The following GPC5 variants were observed in gnomAD, a reference collection of about 807,000 sequenced individuals.
The protein encoded by GPC5 is glypican 5, also known as glypican-5.
A neutral mutation model predicts 53.9 loss-of-function variants in GPC5; 47 were observed. The ratio of observed to expected loss-of-function variants is 0.87; its 90% CI spans 0.69 to 1.11. The LOEUF (loss-of-function observed/expected upper bound fraction) is 1.11. GPC5 is among the 50% of genes most tolerant of loss of function. The probability of loss-of-function intolerance (pLI) is 0.00; values close to 1 mark genes in which losing one functional copy is unlikely to be tolerated. For missense variants in GPC5, 748 were observed against 713.1 expected (o/e 1.05, Z -0.56); for synonymous variants, 286 against 263.3 (o/e 1.09, Z -0.84).
intron 2 of GPC5, among the ~76,000 whole-genome samples, chr13:91,667,896 G>A (rs1396481722): frequency 6.6e-6 from 1 of 152,154 alleles, no homozygotes; most frequent in East Asian, 1.9e-4. Context: ...GGACCCTGCA[G>A]CAGTGTTGTG....
chr13:91,756,360 C>A lies in GPC5; in HGVS notation c.1220C>A (p.Ala407Asp). The A allele has an allele frequency of 6.3e-7, 1 of 1,594,972 alleles. No homozygotes were observed. The highest frequency in any genetic ancestry group is 8.6e-7 in the Non-Finnish European group (1 of 1,166,108). Residue 407 changes from alanine (A) to aspartate (D), a missense_variant, in exon 5 of 8, where the codon GCT becomes GAT. Physicochemically the swap from Ala to Asp is moderately radical, Grantham distance 126 (BLOSUM62 -2). Transcript: ENST00000377067. ...FYGGLADQLC[A>D]NELAAADGLP... ...GGAGGTCTAGCTGATCAGCTTTGTGCTAATGAATTAGCTGCTGCAGATGGA... is the reference window on the plus strand; with the variant it reads ...GGAGGTCTAGCTGATCAGCTTTGTGATAATGAATTAGCTGCTGCAGATGGA...
At chr13:92,789,278 G>T (rs1876377514) in intron 7 of GPC5, among the ~76,000 whole-genome samples, 2 of 152,094 alleles carry the variant, frequency 1.3e-5, no homozygotes, top group Non-Finnish European at 2.9e-5. Flanking sequence ...ACACCACATG[G>T]ACTCTTTATG....
At chr13:92,021,495 C>G (rs2040757883) in intron 6 of GPC5, among the ~76,000 whole-genome samples, 1 of 152,118 alleles carries the variant, frequency 6.6e-6, no homozygotes, top group African/African-American at 2.4e-5. Context: ...AGGTTCTAAT[C>G]AGTGGGTATA....
chr13:92,601,554 CAAAAAAAAAAAA>C (rs57333686), intron 7 of GPC5, among the ~76,000 whole-genome samples: 1 of 67,392 alleles, frequency 1.5e-5, no homozygotes, highest in Non-Finnish European at 3.2e-5. Flanking sequence ...GACTCCATCT[CAAAAAAAAAAAA>C]AAAAAAAAAA....
At chr13:91,876,698 A>G (rs1232061467) in intron 5 of GPC5, among the ~76,000 whole-genome samples, 1 of 152,226 alleles carries the variant, frequency 6.6e-6, no homozygotes, top group Non-Finnish European at 1.5e-5. Flanking sequence ...TGATTATGCT[A>G]TAGAAAAGAA....
intron 7 of GPC5, among the ~76,000 whole-genome samples, chr13:92,663,939 C>T (rs1340342347): frequency 7.2e-6 from 1 of 139,592 alleles, no homozygotes; most frequent in Admixed American, 7.4e-5. Context: ...CGGCATGGTG[C>T]TGCACGCCTG....
At chr13:91,669,267 G>C (rs749247026) in intron 2 of GPC5, among the ~76,000 whole-genome samples, 7 of 152,330 alleles carry the variant, frequency 4.6e-5, no homozygotes, top group Middle Eastern at 3.4e-3. Context: ...ACAAGAGTGA[G>C]ACAAAACATG....
chr13:91,937,053 C>T (rs1051527444), intron 6 of GPC5, among the ~76,000 whole-genome samples: 2 of 152,026 alleles, frequency 1.3e-5, no homozygotes, highest in African/African-American at 4.8e-5. Flanking sequence ...ATTTGTTGTT[C>T]AAGATTTTAC....
intron 2 of GPC5, among the ~76,000 whole-genome samples, chr13:91,670,404 CAG>C (rs2035217481): frequency 1.3e-5 from 2 of 152,202 alleles, no homozygotes; most frequent in African/African-American, 4.8e-5. Context: ...ATAAATCTGA[CAG>C]AATGGTCTGA....
intron 5 of GPC5, among the ~76,000 whole-genome samples, chr13:91,817,162 C>T (rs1566281274): frequency 6.6e-6 from 1 of 152,158 alleles, no homozygotes; most frequent in East Asian, 1.9e-4. Flanking sequence ...TCCCCCAAAA[C>T]ACCAAAATGC....
At chr13:92,079,292 C>T (rs1168197063) in intron 6 of GPC5, among the ~76,000 whole-genome samples, 1 of 152,090 alleles carries the variant, frequency 6.6e-6, no homozygotes, top group Non-Finnish European at 1.5e-5. Flanking sequence ...CCTCATGATC[C>T]GCCCACCTCG....
intron 7 of GPC5, among the ~76,000 whole-genome samples, chr13:92,682,147 TATAA>T (rs1417757136): frequency 4.6e-5 from 7 of 152,202 alleles, no homozygotes; most frequent in Non-Finnish European, 5.9e-5. Flanking sequence ...CCTCTTACAT[TATAA>T]ATAGACTGAT....
At chr13:92,210,070 A>C (rs1409372085) in intron 7 of GPC5, among the ~76,000 whole-genome samples, 1 of 152,064 alleles carries the variant, frequency 6.6e-6, no homozygotes, top group Non-Finnish European at 1.5e-5. Flanking sequence ...ACCCAGATTG[A>C]GGGTGGATCG....
chr13:91,902,879 G>A (rs1594652451), intron 5 of GPC5, among the ~76,000 whole-genome samples: 1 of 151,824 alleles, frequency 6.6e-6, no homozygotes, highest in East Asian at 1.9e-4. Context: ...ATACCTGTGT[G>A]GGTCTTTTTT....
At chr13:92,548,082 G>T (rs1017103570) in intron 7 of GPC5, among the ~76,000 whole-genome samples, 1 of 148,938 alleles carries the variant, frequency 6.7e-6, no homozygotes, top group African/African-American at 2.5e-5. Flanking sequence ...CTCGTGATCC[G>T]CCCGCCTCAG....
chr13:91,513,059 G>T (rs1038728094), intron 2 of GPC5, among the ~76,000 whole-genome samples: 13 of 152,122 alleles, frequency 8.5e-5, no homozygotes, highest in Admixed American at 6.5e-5. Context: ...ACATAGGCAG[G>T]CTGGTTACAT....
intron 7 of GPC5, among the ~76,000 whole-genome samples, chr13:92,306,571 C>G (rs1289413590): frequency 6.6e-6 from 1 of 152,194 alleles, no homozygotes; most frequent in Admixed American, 6.5e-5. Flanking sequence ...CACCCAGACT[C>G]TATTCTCAAT....
Position 92,325,252 on chromosome 13 carries a change from G to C in GPC5, c.1561+180263G>C, listed in dbSNP as rs571790195. Among the ~76,000 whole-genome samples, 20 of 152,084 alleles carry C rather than the reference G, an allele frequency of 1.3e-4. No individual in the cohort carries two copies. In the South Asian group the frequency reaches 3.7e-3, roughly 28 times the overall value. ...TAATATAATTAAGTGGATATAGAAA[G>C]TTACTACGGATCAGAGGAAAGTGAA... On this transcript the variant is annotated intron_variant, in intron 7 of 7. Transcript: ENST00000377067.
At chr13:92,861,438 T>C (rs936840691) in intron 7 of GPC5, among the ~76,000 whole-genome samples, 4 of 152,158 alleles carry the variant, frequency 2.6e-5, no homozygotes, top group African/African-American at 9.6e-5. Context: ...ACCTGGACAA[T>C]AGATAATTGA....
Sources: gnomAD v4.1 joint callset for allele counts (sites outside exome capture counted in the v4.1 genomes callset) on GRCh38, gnomAD v4.1.1 for gene constraint, MANE v1.5 for transcripts, NCBI Gene and HGNC (gene_info 2026-07-23, HGNC 2026-07-21) for gene names.